Variants in ADPRHL1 observed in about 807,000 individuals in gnomAD.
ADPRHL1 encodes inactive ADP-ribosyltransferase ARH2.
Under a neutral mutation model 44.1 loss-of-function variants are expected in ADPRHL1, and 43 were observed. That is an observed-to-expected ratio of 0.98 (90% confidence interval 0.76 to 1.26). The LOEUF (loss-of-function observed/expected upper bound fraction) is 1.26, where lower values mean the gene tolerates loss of function less well. Among genes scored for constraint, ADPRHL1 ranks in the 50% most tolerant of loss-of-function variants. The pLI is 0.00. For synonymous variants in ADPRHL1, 878 were observed against 1,017.4 expected (o/e 0.86, Z 2.61); for missense variants, 2,022 against 2,496.9 (o/e 0.81, Z 4.05).
At chr13:113,440,800 T>C (rs184697013) in intron 2 of ADPRHL1, among the ~76,000 whole-genome samples, 165 of 152,326 alleles carry the variant, frequency 1.1e-3, no homozygotes, top group African/African-American at 3.3e-3. Flanking sequence ...TCTTTATATT[T>C]AAAGTGTTAC....
intron 2 of ADPRHL1, among the ~76,000 whole-genome samples, chr13:113,434,812 A>AGG (rs1352448021): frequency 4.7e-5 from 5 of 106,718 alleles, no homozygotes; most frequent in African/African-American, 1.1e-4. Flanking sequence ...CCCGGCACCC[A>AGG]TGCATAGAGT....
chr13:113,433,785 C>G lies in ADPRHL1; in HGVS notation c.462G>C (p.Glu154Asp). Residue 154 changes from glutamate (E) to aspartate (D), a missense_variant, in exon 3 of 8, where the codon GAG becomes GAC. Glu to Asp is a conservative substitution (Grantham distance 45). Around this residue, in one of 8 missense-constraint regions of ADPRHL1, gnomAD observed 437 missense variants for 430.7 expected, o/e 1.01. Coordinates refer to ENST00000612156, the MANE Select transcript of ADPRHL1 (RefSeq NM_001394807.1). ...WKPERLETLI[E>D]VSVECGRMTH... ...TCATCCGGCCGCACTCCACGCTGAC[C>G]TCGATGAGGGTCTCCAGCCGCTCAG... The G allele has an allele frequency of 6.3e-7, 1 of 1,594,192 alleles. No homozygotes were observed. Among genetic ancestry groups the G allele is most frequent in the South Asian group, 1.1e-5 (1 of 87,902 alleles).
chr13:113,406,331 T>C lies in ADPRHL1; in HGVS notation c.2951A>G (p.Asp984Gly), dbSNP rs2043808258. ...AGATTCCGGCAACGGATGCTTCACA[T>C]CTCTGAGCTCAGAGGTCCTCTCTCC... The part of the protein sequence containing the change: ...ISGERTSELR[D>G]VKHPLPESNE... Residue 984 changes from aspartate to glycine, a missense_variant, in exon 8 of 8, where the codon GAT (aspartate) becomes GGT (glycine). Around this residue, in one of 8 missense-constraint regions of ADPRHL1, gnomAD observed 1,221 missense variants for 1,517.8 expected, o/e 0.80. Transcript: ENST00000612156. The C allele has an allele frequency of 8.1e-7, 1 of 1,232,106 alleles. No individual in the cohort carries two copies. Among genetic ancestry groups the C allele is most frequent in the East Asian group, 3.2e-5 (1 of 31,702 alleles). 76.3% of individuals were successfully genotyped at this position (1,232,106 alleles called of 1,614,324 possible). A position where few individuals can be genotyped will look rare whatever the true frequency, so the allele number is the denominator to read the frequency against.
Position 113,400,201 on chromosome 13 carries a change from A to T in ADPRHL1, c.*3177T>A, listed in dbSNP as rs545251353. 11 of 137,148 alleles carry T rather than the reference A, an allele frequency of 8.0e-5. No homozygotes were observed. The highest frequency in any genetic ancestry group is 4.7e-4 in the Admixed American group (6 of 12,870). 8.5% of individuals were successfully genotyped at this position (137,148 alleles called of 1,614,324 possible). ...CGCTCTGTCACCCAGGCTGGAGTGC[A>T]GTGGCGCAATCTCGGCTCACTGCAA... On this transcript the variant is annotated 3_prime_UTR_variant, in exon 8 of 8. Coordinates refer to ENST00000612156, the MANE Select transcript of ADPRHL1 (RefSeq NM_001394807.1).
In ADPRHL1 at chr13:113,404,265, G is replaced by A. The variant is rs1444773484; in HGVS notation, c.5017C>T (p.Gln1673Ter). The change falls in exon 8 of 8, where the codon CAG becomes TAG. Residue 1673 changes from glutamine (Q) to a stop codon, truncating the protein, a stop_gained. Transcript: ENST00000612156. LOFTEE classifies it low-confidence loss of function (END_TRUNC). ...TGGGCCTGTTCCCGAGCCCGTTCCTGAGCCCCCTTCTGGGCCTGACCCTGA... is the reference window on the plus strand; with the variant it reads ...TGGGCCTGTTCCCGAGCCCGTTCCTAAGCCCCCTTCTGGGCCTGACCCTGA... Reference protein sequence around the residue: ...EAQGQAQKGAQERAREQAQKG... With the variant: ...EAQGQAQKGA The A allele has an allele frequency of 2.3e-6, 3 of 1,318,276 alleles. No homozygotes were observed. The East Asian group carries it at 9.3e-5, about 41-fold the overall frequency. The allele number at this position is 1,318,276 out of a possible 1,614,324, so 81.7% of individuals were successfully genotyped here.
chr13:113,445,267 T>G (rs567568281), intron 1 of ADPRHL1, among the ~76,000 whole-genome samples: 1 of 152,374 alleles, frequency 6.6e-6, no homozygotes, highest in East Asian at 1.9e-4. Flanking sequence ...CCATATTCCC[T>G]GATAAGGCTC....
intron 2 of ADPRHL1, among the ~76,000 whole-genome samples, chr13:113,439,444 A>AT (rs34104211): frequency 6.6e-4 from 91 of 137,880 alleles, no homozygotes; most frequent in African/African-American, 2.4e-3. Flanking sequence ...TTTTCTTTGT[A>AT]TTTTTTTTTT....
intron 7 of ADPRHL1, among the ~76,000 whole-genome samples, chr13:113,415,770 A>AAAAAAAAG (rs1555325970): frequency 9.0e-5 from 12 of 132,850 alleles, no homozygotes; most frequent in African/African-American, 3.4e-4. Context: ...AAAAAAAAAA[A>AAAAAAAAG]AGAGAGAGAG....
intron 1 of ADPRHL1, among the ~76,000 whole-genome samples, chr13:113,444,911 C>A (rs1268959807): frequency 1.3e-5 from 2 of 152,238 alleles, no homozygotes; most frequent in Admixed American, 6.5e-5. Context: ...GCGTGAGCCA[C>A]TGCACCCAGC....
chr13:113,440,603 A>ACG (rs2044090075), intron 2 of ADPRHL1, among the ~76,000 whole-genome samples: 6 of 151,750 alleles, frequency 4.0e-5, no homozygotes, highest in Admixed American at 6.6e-5. Context: ...TTACAGGGGC[A>ACG]TACCACCACA....
At position 113,422,999 on chromosome 13, in the gene ADPRHL1, G is replaced by C; in HGVS notation, c.908-20C>G. ...TCTCCCCTGAAACGCAAAGGCAGCA[G>C]TTGCAGTGGGCTCCACCTGACCAGG... On this transcript the variant is annotated intron_variant, in intron 6 of 7. Coordinates refer to ENST00000612156, the MANE Select transcript of ADPRHL1 (RefSeq NM_001394807.1). The C allele has an allele frequency of 6.2e-7, 1 of 1,612,500 alleles. No homozygotes were observed. The highest frequency in any genetic ancestry group is 8.5e-7 in the Non-Finnish European group (1 of 1,179,850).
chr13:113,424,122 C>G lies in ADPRHL1; in HGVS notation c.907+95G>C, dbSNP rs2043945786. On this transcript the variant is annotated intron_variant, in intron 6 of 7. Coordinates refer to ENST00000612156, the MANE Select transcript of ADPRHL1 (RefSeq NM_001394807.1). Reference sequence around the variant, plus strand: ...CACATGCTGGAGCTCAGGAGGTGGCCCCTGAATGCCTGCAGTCCTAGGACA... The same window carrying G: ...CACATGCTGGAGCTCAGGAGGTGGCGCCTGAATGCCTGCAGTCCTAGGACA... 2.7e-6 allele frequency: 4 copies of G among 1,487,128 alleles called. No individual in the cohort carries two copies. In the East Asian group the frequency reaches 9.3e-5, roughly 34 times the overall value. The allele number at this position is 1,487,128 out of a possible 1,614,324, so 92.1% of individuals were successfully genotyped here.
Position 113,405,519 on chromosome 13 carries a change from A to G in ADPRHL1, c.3763T>C (p.Leu1255=). ...ATTCCAGACTCTGTGCTGAAACCCA[A>G]AAGGTTTCCTTCCACAGCCACATCC... ...RKDVAVEGNL[L]GFSTESGIPA... Residue 1255 remains leucine, a synonymous_variant, in exon 8 of 8, where the codon TTG becomes CTG. Coordinates refer to ENST00000612156, the MANE Select transcript of ADPRHL1 (RefSeq NM_001394807.1). 8.1e-7 allele frequency: 1 copy of G among 1,232,076 alleles called. No homozygotes were observed. Among genetic ancestry groups the G allele is most frequent in the Admixed American group, 4.2e-5 (1 of 23,732 alleles). 76.3% of individuals were successfully genotyped at this position (1,232,076 alleles called of 1,614,324 possible).
Position 113,403,330 on chromosome 13 carries a change from T to A in ADPRHL1, c.*48A>T. 8.1e-7 allele frequency: 1 copy of A among 1,230,120 alleles called. No homozygotes were observed. The highest frequency in any genetic ancestry group is 1.0e-6 in the Non-Finnish European group (1 of 986,460). The allele number at this position is 1,230,120 out of a possible 1,614,324, so 76.2% of individuals were successfully genotyped here. A position where few individuals can be genotyped will look rare whatever the true frequency, so the allele number is the denominator to read the frequency against. On this transcript the variant is annotated 3_prime_UTR_variant, in exon 8 of 8. Transcript: ENST00000612156. The stretch of plus-strand genomic sequence containing the variant: ...CAGGAAAATGCCTGAAGTCCCTCAA[T>A]GGGCGGATGTCACAGTGCTGGGCGA...
chr13:113,442,138 T>C (rs1346770054), intron 2 of ADPRHL1, among the ~76,000 whole-genome samples: 1 of 152,254 alleles, frequency 6.6e-6, no homozygotes, highest in Non-Finnish European at 1.5e-5. Flanking sequence ...CCTTCATTTC[T>C]GAAAGATATT....
rs143083124 is a variant in ADPRHL1 at position 113,424,310 on chromosome 13, G to A, written c.814C>T (p.Arg272Ter). 1.7e-4 allele frequency: 273 copies of A among 1,612,812 alleles called. 1 individual carries two copies. Among genetic ancestry groups the A allele is most frequent in the South Asian group, 1.2e-3 (111 of 91,080 alleles). The change falls in exon 6 of 8, where the codon CGA becomes TGA. Residue 272 changes from arginine to a stop codon, truncating the protein, a stop_gained. Transcript: ENST00000612156. LOFTEE classifies it high-confidence loss of function. ...KWSSEGRGGR[R>*]GHDAPMIAYD... ...GCTATCATGGGGGCATCGTGGCCTCGTCTTCCCCCTCGACCTTCCGAGCTC... is the reference window on the plus strand; with the variant it reads ...GCTATCATGGGGGCATCGTGGCCTCATCTTCCCCCTCGACCTTCCGAGCTC...
At position 113,407,717 on chromosome 13, in the gene ADPRHL1, GCTT is replaced by G. The variant is rs1170565256; in HGVS notation, c.1562_1564del (p.Glu521del). 8.1e-6 allele frequency: 10 copies of G among 1,232,006 alleles called. No homozygotes were observed. The highest frequency in any genetic ancestry group is 1.0e-5 in the Non-Finnish European group (10 of 988,044). 76.3% of individuals were successfully genotyped at this position (1,232,006 alleles called of 1,614,324 possible). On this transcript the variant is annotated inframe_deletion, in exon 8 of 8. Transcript: ENST00000612156. Reference sequence around the variant, plus strand: ...CCGCTCCACAGGGGGCTTCTCGCGTGCTTCTTTCTCCTTCGCCTCCTTCTCCTC... The same window carrying G: ...CCGCTCCACAGGGGGCTTCTCGCGTGCTTTCTCCTTCGCCTCCTTCTCCTC...
rs1040478351 is a variant in ADPRHL1, at chr13:113,403,264, C to G, written c.*114G>C. 4 of 901,584 alleles carry G rather than the reference C, an allele frequency of 4.4e-6. No homozygotes were observed. The African/African-American group carries it at 6.9e-5, about 16-fold the overall frequency. 55.8% of individuals were successfully genotyped at this position (901,584 alleles called of 1,614,324 possible). On this transcript the variant is annotated 3_prime_UTR_variant, in exon 8 of 8. Transcript: ENST00000612156. Reference sequence around the variant, plus strand: ...AAGAAGGGAAAGAAAATTATGGAAACAGGCGTCTCTGTAGGGGATGCTCCA... The same window carrying G: ...AAGAAGGGAAAGAAAATTATGGAAAGAGGCGTCTCTGTAGGGGATGCTCCA...
At chr13:113,417,134 C>T (rs2043891000) in intron 7 of ADPRHL1, among the ~76,000 whole-genome samples, 2 of 152,208 alleles carry the variant, frequency 1.3e-5, no homozygotes, top group African/African-American at 4.8e-5. Context: ...CGATGCTTTG[C>T]GGAACCCCGG....
Sources: gnomAD v4.1 joint callset for allele counts (sites outside exome capture counted in the v4.1 genomes callset) on GRCh38, gnomAD v4.1.1 for gene constraint, gnomAD v4.1.1 regional missense constraint, MANE v1.5 for transcripts, NCBI Gene and HGNC (gene_info 2026-07-23, HGNC 2026-07-21) for gene names.